Variants in ARHGAP42 observed in about 807,000 individuals in gnomAD.
ARHGAP42 encodes Rho GTPase activating protein 42, also known as rho GTPase-activating protein 42.
A neutral mutation model predicts 125.0 loss-of-function variants in ARHGAP42; 63 were observed. The observed-to-expected ratio is 0.50, with a 90% confidence interval of 0.41 to 0.62. The LOEUF is 0.62. Ranked by LOEUF, ARHGAP42 falls within the 20% of genes least tolerant of loss-of-function variation. The probability of loss-of-function intolerance (pLI) is 0.00; values close to 1 mark genes in which losing one functional copy is unlikely to be tolerated. For missense variants in ARHGAP42, 766 were observed against 1,024.2 expected, an observed-to-expected ratio of 0.75 and a Z score of 3.44; for synonymous variants, 339 against 351.0, an observed-to-expected ratio of 0.97 and a Z score of 0.38.
At chr11:100,701,020 T>C (rs1041343109) in intron 1 of ARHGAP42, among the ~76,000 whole-genome samples, 5 of 152,236 alleles carry the variant, frequency 3.3e-5, no homozygotes, top group Admixed American at 2.6e-4. Context: ...TCTTGATCCA[T>C]GGGCTACAGA....
intron 1 of ARHGAP42, among the ~76,000 whole-genome samples, chr11:100,723,854 A>G (rs554933361): frequency 3.9e-5 from 6 of 152,218 alleles, no homozygotes; most frequent in Admixed American, 2.6e-4. Flanking sequence ...GAAAGCATCT[A>G]GTTTCTCACT....
At chr11:100,974,625 GAGATGCTTTCTTCATTCTTTGGTTC>G (rs1419194071) in intron 19 of ARHGAP42, 22 bp downstream of exon 19, 1 of 1,532,424 alleles carries the variant, frequency 6.5e-7, no homozygotes, top group Admixed American at 2.1e-5. Flanking sequence ...CGGCCTTAGG[GAGATGCTTTCTTCATTCTTTGGTTC>G]AGATGTATTT....
At chr11:100,910,104 C>A (rs1339684952) in intron 4 of ARHGAP42, among the ~76,000 whole-genome samples, 2 of 150,756 alleles carry the variant, frequency 1.3e-5, no homozygotes, top group African/African-American at 4.9e-5. Flanking sequence ...GATTGCAGAC[C>A]CAAATGTAGC....
intron 5 of ARHGAP42, among the ~76,000 whole-genome samples, chr11:100,918,323 T>G (rs569413525): frequency 3.3e-5 from 5 of 152,320 alleles, no homozygotes; most frequent in African/African-American, 1.2e-4. Context: ...TGGGAAAATA[T>G]CCAACAAATA....
chr11:100,828,690 C>CTTTTT (rs770379228), intron 3 of ARHGAP42, among the ~76,000 whole-genome samples: 3 of 143,988 alleles, frequency 2.1e-5, no homozygotes, highest in African/African-American at 7.6e-5. Context: ...TTCTGTTTGT[C>CTTTTT]TTTTTTTTTT....
chr11:100,717,553 C>T (rs1861684829), intron 1 of ARHGAP42, among the ~76,000 whole-genome samples: 1 of 148,550 alleles, frequency 6.7e-6, no homozygotes, highest in Admixed American at 6.9e-5. Flanking sequence ...AGGAGAATGG[C>T]ATGAACCCGG....
At chr11:100,743,583 A>G (rs1210965146) in intron 1 of ARHGAP42, among the ~76,000 whole-genome samples, 1 of 152,130 alleles carries the variant, frequency 6.6e-6, no homozygotes, top group Admixed American at 6.5e-5. Flanking sequence ...CATGAGTTCT[A>G]TGAGTTTCTT....
chr11:100,787,550 G>A (rs947047440), intron 2 of ARHGAP42, among the ~76,000 whole-genome samples: 7 of 152,186 alleles, frequency 4.6e-5, no homozygotes, highest in African/African-American at 1.7e-4. Context: ...AGAAGAGAGC[G>A]AAAGATTAAA....
intron 3 of ARHGAP42, among the ~76,000 whole-genome samples, chr11:100,835,292 TTA>T (rs1303482097): frequency 1.3e-5 from 2 of 152,184 alleles, no homozygotes; most frequent in Non-Finnish European, 2.9e-5. Context: ...TTCCAGCATT[TTA>T]TATTCTGTAT....
chr11:100,960,457 A>G (rs571233819), intron 13 of ARHGAP42, among the ~76,000 whole-genome samples: 74 of 152,172 alleles, frequency 4.9e-4, no homozygotes, highest in Non-Finnish European at 9.9e-4. Context: ...TTGGAGTTCC[A>G]TAAACTTATA....
At chr11:100,968,627 G>A (rs915550853) in intron 17 of ARHGAP42, among the ~76,000 whole-genome samples, 4 of 152,096 alleles carry the variant, frequency 2.6e-5, no homozygotes, top group African/African-American at 4.8e-5. Context: ...AAAGGAGTAA[G>A]TACATTTATA....
chr11:100,803,227 T>C (rs1165961029), intron 3 of ARHGAP42, among the ~76,000 whole-genome samples: 1 of 129,052 alleles, frequency 7.7e-6, no homozygotes, highest in Non-Finnish European at 1.7e-5. Flanking sequence ...AAAAAAAAAA[T>C]TGGATAGATT....
intron 3 of ARHGAP42, among the ~76,000 whole-genome samples, chr11:100,836,420 A>G (rs983367652): frequency 2.6e-5 from 4 of 152,128 alleles, no homozygotes; most frequent in Non-Finnish European, 5.9e-5. Context: ...GCTAGATGAA[A>G]TGTCAATTTC....
intron 4 of ARHGAP42, among the ~76,000 whole-genome samples, chr11:100,899,730 TTTTG>T (rs572210828): frequency 0.066 from 6,390 of 96,260 alleles, 216 homozygotes; most frequent in East Asian, 0.17. Flanking sequence ...TTGTTTTTTT[TTTTG>T]TTTTTTTTTG....
At chr11:100,786,648 G>A (rs1038601841) in intron 2 of ARHGAP42, among the ~76,000 whole-genome samples, 1 of 152,052 alleles carries the variant, frequency 6.6e-6, no homozygotes, top group Non-Finnish European at 1.5e-5. Context: ...AGTATCCTAA[G>A]GAAAAACTAT....
rs112732061 is a variant in ARHGAP42 at position 100,741,080 on chromosome 11, G to T, written c.155-29263G>T. On this transcript the variant is annotated intron_variant, in intron 1 of 23. Coordinates refer to ENST00000298815, the MANE Select transcript of ARHGAP42 (RefSeq NM_152432.4). ...AAATCTCACGCTGTCTCCAAGGCTGGAGTGCAGTGGCAAGATCTCAGCTCA... is the reference window on the plus strand; with the variant it reads ...AAATCTCACGCTGTCTCCAAGGCTGTAGTGCAGTGGCAAGATCTCAGCTCA... Among the ~76,000 whole-genome samples, 872 of 152,150 alleles carry T rather than the reference G, an allele frequency of 5.7e-3. 6 individuals are homozygous for T. Among genetic ancestry groups the T allele is most frequent in the Middle Eastern group, 0.02 (6 of 294 alleles).
At chr11:100,988,219 CAGAG>C (rs140242844) in intron 23 of ARHGAP42, among the ~76,000 whole-genome samples, 2 of 152,146 alleles carry the variant, frequency 1.3e-5, no homozygotes, top group Admixed American at 6.5e-5. Context: ...GTGTGTGAGA[CAGAG>C]AGATTGTTTT....
chr11:100,862,588 A>T (rs1429407134), intron 4 of ARHGAP42, among the ~76,000 whole-genome samples: 1 of 152,196 alleles, frequency 6.6e-6, no homozygotes, highest in Non-Finnish European at 1.5e-5. Context: ...TTGTGATGAA[A>T]TGAAGCCGGT....
chr11:100,819,351 A>G (rs562322289), intron 3 of ARHGAP42, among the ~76,000 whole-genome samples: 12 of 152,166 alleles, frequency 7.9e-5, no homozygotes, highest in Non-Finnish European at 1.6e-4. Flanking sequence ...AAGTGGTGAG[A>G]GTAGTGAGTG....
Sources: gnomAD v4.1 joint callset for allele counts (sites outside exome capture counted in the v4.1 genomes callset) on GRCh38, gnomAD v4.1.1 for gene constraint, MANE v1.5 for transcripts, NCBI Gene and HGNC (gene_info 2026-07-23, HGNC 2026-07-21) for gene names.